CSGALNACT1: variants seen among roughly 807,000 people sequenced by gnomAD.
CSGALNACT1 encodes the protein beta4GalNAcT-1.
CSGALNACT1 carries 52 observed loss-of-function variants against 51.0 expected under a neutral mutation model. That is an observed-to-expected ratio of 1.02 (90% CI 0.82 to 1.29). The LOEUF (loss-of-function observed/expected upper bound fraction) is 1.29. Ranked by LOEUF, CSGALNACT1 falls within the 50% of genes most tolerant of loss-of-function variation. CSGALNACT1 has a pLI of 0.00. For synonymous variants in CSGALNACT1, 341 were observed against 254.4 expected (o/e 1.34, Z -3.24); for missense variants, 935 against 679.2 (o/e 1.38, Z -4.19).
upstream of CSGALNACT1, among the ~76,000 whole-genome samples, chr8:19,607,257 C>T (rs11774660): frequency 7.2e-3 from 1,098 of 152,076 alleles, 10 homozygotes; most frequent in Non-Finnish European, 0.011. Context: ...CTAACATAAT[C>T]GACAATGAAG....
intron 1 of CSGALNACT1, among the ~76,000 whole-genome samples, chr8:19,691,571 C>A (rs1589540277): frequency 6.6e-6 from 1 of 152,226 alleles, no homozygotes; most frequent in South Asian, 2.1e-4. Context: ...CCCAGTCCTG[C>A]AGCTCCACAG....
At chr8:19,540,051 A>G (rs531493806) in intron 3 of CSGALNACT1, among the ~76,000 whole-genome samples, 2 of 152,320 alleles carry the variant, frequency 1.3e-5, no homozygotes, top group African/African-American at 4.8e-5. Context: ...AGAGCCACAA[A>G]AGACTAAAGA....
At chr8:19,738,270 C>T (rs1206670293) in intron 1 of CSGALNACT1, among the ~76,000 whole-genome samples, 1 of 152,152 alleles carries the variant, frequency 6.6e-6, no homozygotes, top group Non-Finnish European at 1.5e-5. Flanking sequence ...GAAAGCAAGA[C>T]ATAGAGTGGA....
At chr8:19,655,220 A>G (rs1020483613) in intron 1 of CSGALNACT1, among the ~76,000 whole-genome samples, 9 of 151,920 alleles carry the variant, frequency 5.9e-5, no homozygotes, top group Non-Finnish European at 1.3e-4. Flanking sequence ...CTGCCAAGCT[A>G]CTCTACACTT....
At chr8:19,562,321 T>C (rs2040927187) in intron 3 of CSGALNACT1, among the ~76,000 whole-genome samples, 1 of 152,200 alleles carries the variant, frequency 6.6e-6, no homozygotes, top group Non-Finnish European at 1.5e-5. Context: ...AGTGCCCTTT[T>C]ACATAGAATA....
intron 1 of CSGALNACT1, among the ~76,000 whole-genome samples, chr8:19,714,395 T>C (rs148467214): frequency 6.6e-6 from 1 of 152,174 alleles, no homozygotes; most frequent in African/African-American, 2.4e-5. Flanking sequence ...GATCTGTAAT[T>C]TGGTGTCTGT....
rs111784436 is a variant in CSGALNACT1 at position 19,507,751 on chromosome 8, C to T, written c.-296-1621G>A. On this transcript the variant is annotated intron_variant, in intron 3 of 9. Transcript: ENST00000454498. ...CAAGCGATTCCCCTGCCTCAGCCTCCTGAGTAGCTGGGACTACAGGCACGC... is the reference window on the plus strand; with the variant it reads ...CAAGCGATTCCCCTGCCTCAGCCTCTTGAGTAGCTGGGACTACAGGCACGC... Among the ~76,000 whole-genome samples, 507 of 152,288 alleles carry T rather than the reference C, an allele frequency of 3.3e-3. 6 individuals are homozygous for T. Among genetic ancestry groups the T allele is most frequent in the African/African-American group, 0.012 (490 of 41,558 alleles).
chr8:19,458,272 T>C (rs1052300887), intron 5 of CSGALNACT1, among the ~76,000 whole-genome samples, 154 bp downstream of exon 4: 6 of 152,236 alleles, frequency 3.9e-5, no homozygotes, highest in African/African-American at 1.4e-4. Context: ...GAAAGGCAAA[T>C]ACAAATGATA....
At chr8:19,477,894 A>G (rs922640228) in intron 4 of CSGALNACT1, among the ~76,000 whole-genome samples, 1 of 152,236 alleles carries the variant, frequency 6.6e-6, no homozygotes, top group Non-Finnish European at 1.5e-5. Flanking sequence ...GGTTCCTCCC[A>G]TACACGTCCA....
chr8:19,471,213 G>T (rs937507844), intron 4 of CSGALNACT1, among the ~76,000 whole-genome samples: 3 of 152,172 alleles, frequency 2.0e-5, no homozygotes, highest in Admixed American at 6.5e-5. Context: ...ATGGGCATGC[G>T]TATCACTCAC....
chr8:19,710,320 C>T (rs550101069), intron 1 of CSGALNACT1, among the ~76,000 whole-genome samples: 1 of 152,248 alleles, frequency 6.6e-6, no homozygotes, highest in South Asian at 2.1e-4. Flanking sequence ...GTCAGTTCAG[C>T]AAGATTGCTG....
intron 1 of CSGALNACT1, among the ~76,000 whole-genome samples, chr8:19,741,391 C>G (rs1165574189): frequency 6.6e-6 from 1 of 151,960 alleles, no homozygotes; most frequent in Admixed American, 6.6e-5. Context: ...GGTGAAATCC[C>G]GTCTCTACTA....
At chr8:19,697,589 C>T (rs1378348037) in intron 1 of CSGALNACT1, among the ~76,000 whole-genome samples, 2 of 152,150 alleles carry the variant, frequency 1.3e-5, no homozygotes, top group Non-Finnish European at 2.9e-5. Context: ...GGACCAAATG[C>T]TACCTGGGGA....
At chr8:19,497,051 T>C (rs2075614176) in intron 4 of CSGALNACT1, among the ~76,000 whole-genome samples, 1 of 152,096 alleles carries the variant, frequency 6.6e-6, no homozygotes. Context: ...ATTCTCACCT[T>C]AGGGAACTGG....
intron 3 of CSGALNACT1, among the ~76,000 whole-genome samples, chr8:19,553,293 CCTT>C (rs2088684509): frequency 6.6e-6 from 1 of 151,934 alleles, no homozygotes; most frequent in Non-Finnish European, 1.5e-5. Flanking sequence ...TTGAAAAAAA[CCTT>C]CTGTTTATTA....
In CSGALNACT1 at chr8:19,613,051, G is replaced by C. The variant is rs189710827; in HGVS notation, c.-543-11186C>G. Among the ~76,000 whole-genome samples, 405 of 147,804 alleles carry C rather than the reference G, an allele frequency of 2.7e-3. 3 individuals carry two copies. The highest frequency in any genetic ancestry group is 0.019 in the Middle Eastern group (5 of 266). On this transcript the variant is annotated intron_variant, in intron 1 of 9. Coordinates refer to the CSGALNACT1 transcript ENST00000332246. ...ATGAATTTTCATATCCATATTTTGG[G>C]GTTTTCACTGAATTGAAAATTCTTT...
At position 19,757,699 on chromosome 8, in the gene CSGALNACT1, C is replaced by A. The variant is rs2065483296; in HGVS notation, c.-297+151G>T. On this transcript the variant is annotated intron_variant, in intron 1 of 1. Coordinates refer to the CSGALNACT1 transcript ENST00000517494. The surrounding 1 kb of genome is among the most constrained non-coding windows in gnomAD (Gnocchi z 4.0). ...GACAGAGTTCCCCATCCCCCTGCTC[C>A]ACCCGCTCTGTTCCCTTGGCTGCCC... is the stretch of plus-strand genomic sequence containing the variant. Among the ~76,000 whole-genome samples, 1 of 152,180 alleles carries A rather than the reference C, an allele frequency of 6.6e-6. No homozygotes were observed. The highest frequency in any genetic ancestry group is 1.5e-5 in the Non-Finnish European group (1 of 68,018).
chr8:19,488,263 T>C (rs926749421), intron 4 of CSGALNACT1, among the ~76,000 whole-genome samples: 2 of 151,354 alleles, frequency 1.3e-5, no homozygotes, highest in Non-Finnish European at 2.9e-5. Flanking sequence ...GGCAGGAGAA[T>C]CGCTTGAATC....
intron 5 of CSGALNACT1, among the ~76,000 whole-genome samples, chr8:19,442,191 C>A (rs1156328693): frequency 6.6e-6 from 1 of 152,124 alleles, no homozygotes; most frequent in South Asian, 2.1e-4. Flanking sequence ...ACTAGAAATA[C>A]CGTTTGACCC....
Sources: gnomAD v4.1 joint callset for allele counts (sites outside exome capture counted in the v4.1 genomes callset) on GRCh38, gnomAD v4.1.1 for gene constraint, Gnocchi (gnomAD v3.1) non-coding constraint, MANE v1.5 for transcripts, NCBI Gene and HGNC (gene_info 2026-07-23, HGNC 2026-07-21) for gene names.